CROCC2: variants seen among roughly 807,000 people sequenced by gnomAD.
CROCC2 encodes the protein ciliary rootlet coiled-coil protein 2.
A neutral mutation model predicts 177.6 loss-of-function variants in CROCC2; 163 were observed. The observed-to-expected ratio is 0.92, with a 90% CI of 0.81 to 1.05. The LOEUF is 1.05. CROCC2 is among the 50% of genes least tolerant of loss of function. CROCC2 has a pLI of 0.00. For missense variants in CROCC2, 1,929 were observed against 1,797.8 expected (o/e 1.07, Z -1.32); for synonymous variants, 904 against 787.3 (o/e 1.15, Z -2.48).
At chr2:240,968,311 C>T (rs1489673519) in intron 27 of CROCC2, 49 bp downstream of exon 27, 5 of 1,491,388 alleles carry the variant, frequency 3.4e-6, no homozygotes, top group Non-Finnish European at 4.5e-6. Flanking sequence ...AGAACAAGGC[C>T]TCTCGGTCAC....
At position 240,936,020 on chromosome 2, in the gene CROCC2, AAAC is replaced by A. The variant is rs574815008; in HGVS notation, c.2169+434_2169+436del. 6.8e-4 allele frequency among the ~76,000 whole-genome samples: 103 copies of A among 152,278 alleles called. 2 individuals are homozygous for A. Among genetic ancestry groups the A allele is most frequent in the African/African-American group, 2.4e-3 (99 of 41,556 alleles). On this transcript the variant is annotated intron_variant, in intron 14 of 31. Coordinates refer to ENST00000690015, the MANE Select transcript of CROCC2 (RefSeq NM_001351305.2). Reference sequence around the variant, plus strand: ...AGGAAGCTCAACTCACTGGAGAAAAAAACAGTCTTGGTTTTTTCCAATCCTGCC... The same window carrying A: ...AGGAAGCTCAACTCACTGGAGAAAAAAGTCTTGGTTTTTTCCAATCCTGCC...
At chr2:240,911,391 A>G (rs2106449173) in intron 1 of CROCC2, among the ~76,000 whole-genome samples, 1 of 144,826 alleles carries the variant, frequency 6.9e-6, no homozygotes, top group South Asian at 2.2e-4. Flanking sequence ...CCGCCCTCCC[A>G]TCTTCAAGCA....
At chr2:240,941,088 T>C (rs1445581245) in intron 14 of CROCC2, among the ~76,000 whole-genome samples, 1 of 151,696 alleles carries the variant, frequency 6.6e-6, no homozygotes, top group Admixed American at 6.6e-5. Context: ...CCTTTCACAA[T>C]AGATGCAAAA....
chr2:240,931,484 A>G (rs762171985), intron 7 of CROCC2, among the ~76,000 whole-genome samples: 35 of 152,076 alleles, frequency 2.3e-4, no homozygotes, highest in Non-Finnish European at 3.8e-4. Flanking sequence ...TCATATAAAA[A>G]CCGAGGCAGG....
In CROCC2 at chr2:240,932,306, G is replaced by A. The variant is rs768347659; in HGVS notation, c.948-12G>A. ...CCTGCCCTTCACCCCCACACCCCCC[G>A]ACTCCTCCCAGACTCTCGGAGCAAA... On this transcript the variant is annotated splice_polypyrimidine_tract_variant and intron_variant, in intron 7 of 31. Coordinates refer to ENST00000690015, the MANE Select transcript of CROCC2 (RefSeq NM_001351305.2). 9.6e-5 allele frequency: 68 copies of A among 710,696 alleles called. 1 individual carries two copies. Among genetic ancestry groups the A allele is most frequent in the Middle Eastern group, 4.6e-4 (2 of 4,358 alleles). The allele number at this position is 710,696 out of a possible 1,614,324, so 44.0% of individuals were successfully genotyped here. A position where few individuals can be genotyped will look rare whatever the true frequency, so the allele number is the denominator to read the frequency against.
In CROCC2 at chr2:240,949,190, C is replaced by CCTCT. The variant is rs2059539646; in HGVS notation, c.2482+95_2482+98dup. 6.9e-7 allele frequency: 1 copy of CCTCT among 1,447,684 alleles called. No individual in the cohort carries two copies. Among genetic ancestry groups the CCTCT allele is most frequent in the African/African-American group, 1.4e-5 (1 of 70,004 alleles). The allele number at this position is 1,447,684 out of a possible 1,614,324, so 89.7% of individuals were successfully genotyped here. On this transcript the variant is annotated intron_variant, in intron 16 of 31. Transcript: ENST00000690015. The surrounding 1 kb of genome is among the most constrained non-coding windows in gnomAD (Gnocchi z 4.5). ...CTCAGTGCCCACACGTGCTGCACCCCCTCTCCGGAGCCCACAGGGGCATGA... is the reference window on the plus strand; with the variant it reads ...CTCAGTGCCCACACGTGCTGCACCCCCTCTCTCTCCGGAGCCCACAGGGGCATGA...
Position 240,938,635 on chromosome 2 carries a change from G to A in CROCC2, c.2169+3047G>A, listed in dbSNP as rs548141331. On this transcript the variant is annotated intron_variant, in intron 14 of 31. Coordinates refer to ENST00000690015, the MANE Select transcript of CROCC2 (RefSeq NM_001351305.2). ...GCCTACTAGGAGTTTGATTAAAATTGTTTAGAATTTATAGATCAACTTGAG... is the reference window on the plus strand; with the variant it reads ...GCCTACTAGGAGTTTGATTAAAATTATTTAGAATTTATAGATCAACTTGAG... Among the ~76,000 whole-genome samples, 7 of 152,214 alleles carry A rather than the reference G, an allele frequency of 4.6e-5. No homozygotes were observed. In the South Asian group the frequency reaches 1.5e-3, roughly 32 times the overall value.
At chr2:240,940,472 T>A (rs575047932) in intron 14 of CROCC2, among the ~76,000 whole-genome samples, 9 of 152,298 alleles carry the variant, frequency 5.9e-5, no homozygotes, top group South Asian at 2.1e-4. Context: ...CTTGTCTATG[T>A]CTGCTTATTT....
At chr2:240,969,036 GT>G (rs2059704048) in intron 27 of CROCC2, among the ~76,000 whole-genome samples, 1 of 152,218 alleles carries the variant, frequency 6.6e-6, no homozygotes, top group African/African-American at 2.4e-5. Context: ...AGAGAACAGC[GT>G]GCCTGGCTGA....
chr2:240,958,028 A>G lies in CROCC2; in HGVS notation c.2944-1273A>G. 1 of 985,096 alleles carries G rather than the reference A, an allele frequency of 1.0e-6. No homozygotes were observed. The highest frequency in any genetic ancestry group is 1.2e-6 in the Non-Finnish European group (1 of 829,844). 61.0% of individuals were successfully genotyped at this position (985,096 alleles called of 1,614,324 possible). A position where few individuals can be genotyped will look rare whatever the true frequency, so the allele number is the denominator to read the frequency against. ...TGAGCTGGCCCTGAGTCTCCCCCGGACTCGGTACCAGGCCTGCCAGCCAGC... is the reference window on the plus strand; with the variant it reads ...TGAGCTGGCCCTGAGTCTCCCCCGGGCTCGGTACCAGGCCTGCCAGCCAGC... On this transcript the variant is annotated intron_variant, in intron 19 of 31. Coordinates refer to ENST00000690015, the MANE Select transcript of CROCC2 (RefSeq NM_001351305.2). This position sits in a 1 kb window ranked among gnomAD's most constrained non-coding sequence, Gnocchi z 6.7.
rs1414132862 is a variant in CROCC2 at position 240,993,267 on chromosome 2, G to A, written c.*186G>A. The A allele has an allele frequency of 2.6e-5, 14 of 544,246 alleles. No individual in the cohort carries two copies. Among genetic ancestry groups the A allele is most frequent in the African/African-American group, 3.8e-5 (2 of 52,228 alleles). 33.7% of individuals were successfully genotyped at this position (544,246 alleles called of 1,614,324 possible). ...ATGGGGAACATTTGAAATGCATGTG[G>A]GGGCCTCCGAATTTTGAATTTTAAT... On this transcript the variant is annotated 3_prime_UTR_variant, in exon 32 of 32. Transcript: ENST00000690015.
At chr2:240,959,056 G>A in intron 19 of CROCC2, 1 of 473,320 alleles carries the variant, frequency 2.1e-6, no homozygotes, top group Non-Finnish European at 3.8e-6. Flanking sequence ...GCTGCCTCCT[G>A]CTGTGTCCGT....
rs907146198 is a variant in CROCC2, at chr2:240,949,950, G to C, written c.2652+248G>C. Among the ~76,000 whole-genome samples the C allele has an allele frequency of 1.3e-5, 2 of 152,226 alleles. No homozygotes were observed. The highest frequency in any genetic ancestry group is 2.9e-5 in the Non-Finnish European group (2 of 68,026). On this transcript the variant is annotated intron_variant, in intron 17 of 31. Coordinates refer to ENST00000690015, the MANE Select transcript of CROCC2 (RefSeq NM_001351305.2). This position sits in a 1 kb window ranked among gnomAD's most constrained non-coding sequence, Gnocchi z 4.5. Reference sequence around the variant, plus strand: ...CTCCCTCATGGAAGAGGCTGGAAGGGCTGCTGGCTGGTCTGGTGCAGTCTG... The same window carrying C: ...CTCCCTCATGGAAGAGGCTGGAAGGCCTGCTGGCTGGTCTGGTGCAGTCTG...
At chr2:240,939,060 G>A (rs536855609) in intron 14 of CROCC2, among the ~76,000 whole-genome samples, 201 of 152,200 alleles carry the variant, frequency 1.3e-3, no homozygotes, top group African/African-American at 4.4e-3. Flanking sequence ...AGTGGTGAGA[G>A]TGGCCATACT....
chr2:240,980,985 A>T (rs868775069), intron 27 of CROCC2, among the ~76,000 whole-genome samples: 2 of 82,498 alleles, frequency 2.4e-5, no homozygotes, highest in African/African-American at 6.6e-5. Context: ...TAGGAGCCTC[A>T]GGATCCCAGA....
intron 20 of CROCC2, among the ~76,000 whole-genome samples, chr2:240,962,089 C>T (rs1199483111): frequency 6.6e-6 from 1 of 151,980 alleles, no homozygotes; most frequent in Non-Finnish European, 1.5e-5. Flanking sequence ...CTCACACACA[C>T]ACACACACTC....
chr2:240,934,245 G>T, intron 11 of CROCC2, 86 bp from the exon 12 acceptor site: 1 of 1,444,258 alleles, frequency 6.9e-7, no homozygotes, highest in Non-Finnish European at 9.3e-7. Context: ...CTTGGAGGGA[G>T]TTGCAGGTGG....
chr2:240,913,994 A>G (rs1242335146), intron 1 of CROCC2, among the ~76,000 whole-genome samples: 2 of 152,214 alleles, frequency 1.3e-5, no homozygotes, highest in African/African-American at 2.4e-5. Context: ...GGATGCTGGG[A>G]GGGCCATGGA....
intron 28 of CROCC2, among the ~76,000 whole-genome samples, chr2:240,986,308 GGGCTGCCTCCAGCTC>G (rs2059840022): frequency 6.6e-6 from 1 of 152,138 alleles, no homozygotes; most frequent in Non-Finnish European, 1.5e-5. Context: ...GCTTTTGGAG[GGGCTGCCTCCAGCTC>G]GGCATCCATG....
Sources: allele counts gnomAD v4.1 joint callset (sites outside exome capture counted in the v4.1 genomes callset), GRCh38; gene constraint gnomAD v4.1.1; non-coding constraint Gnocchi (gnomAD v3.1); transcripts MANE v1.5; gene names NCBI Gene and HGNC (gene_info 2026-07-23, HGNC 2026-07-21).